Variants in DOCK8 observed in about 807,000 individuals in gnomAD.
The protein encoded by DOCK8 is dedicator of cytokinesis protein 8.
In DOCK8, 141 loss-of-function variants were observed where a neutral mutation model predicts 245.6. The ratio of observed to expected loss-of-function variants is 0.57; its 90% CI spans 0.50 to 0.66. The LOEUF (loss-of-function observed/expected upper bound fraction) is 0.66, where lower values mean the gene tolerates loss of function less well. DOCK8 is among the 30% of genes least tolerant of loss of function. The pLI, the probability that DOCK8 is intolerant of heterozygous loss-of-function variation, is 0.00. For synonymous variants in DOCK8, 1,168 were observed against 970.2 expected (o/e 1.20, Z -3.79); for missense variants, 2,965 against 2,603.4 (o/e 1.14, Z -3.02).
intron 8 of DOCK8, among the ~76,000 whole-genome samples, 192 bp from the exon 9 acceptor site, chr9:327,830 C>G (rs2050832630): frequency 6.6e-6 from 1 of 152,140 alleles, no homozygotes; most frequent in Non-Finnish European, 1.5e-5. Flanking sequence ...TCAAATGGCT[C>G]CAGAATACCT....
rs2056839287 is a variant in DOCK8 at position 434,814 on chromosome 9, C to A, written c.4918C>A (p.Leu1640Met). The A allele has an allele frequency of 1.2e-6, 2 of 1,614,060 alleles. No individual in the cohort carries two copies. Among genetic ancestry groups the A allele is most frequent in the Admixed American group, 3.3e-5 (2 of 60,010 alleles). ...IAKSYQASPD[L>M]RLTWLQNMAE... is the part of the protein sequence containing the mutation. ...CAAGAGTTACCAGGCATCTCCTGAT[C>A]TGCGGCTGACCTGGCTCCAGAACAT... Residue 1640 changes from leucine (L) to methionine (M), a missense_variant, in exon 39 of 48, where the codon CTG becomes ATG. By Grantham distance (15) the Leu-to-Met change is conservative. This residue lies in a region of DOCK8 where 2,825 missense variants were observed against 2,453.5 expected (regional missense o/e 1.15). Coordinates refer to ENST00000432829, the MANE Select transcript of DOCK8 (RefSeq NM_203447.4).
chr9:445,570 A>G (rs536934676), intron 43 of DOCK8, among the ~76,000 whole-genome samples: 24 of 152,354 alleles, frequency 1.6e-4, no homozygotes, highest in Admixed American at 3.9e-4. Flanking sequence ...GACTACCTTC[A>G]TAACCAAGAT....
chr9:464,882 TGATGTAGGA>T lies in DOCK8; in HGVS notation c.*667_*675del, dbSNP rs1175549971. Reference sequence around the variant, plus strand: ...TTATAGAAGAATACATTCAAAGCACTGATGTAGGAGATACACGGTACTTGGAGCAGTCAG... The same window carrying T: ...TTATAGAAGAATACATTCAAAGCACTGATACACGGTACTTGGAGCAGTCAG... On this transcript the variant is annotated 3_prime_UTR_variant, in exon 48 of 48. Transcript: ENST00000432829. 3 of 156,272 alleles carry T rather than the reference TGATGTAGGA, an allele frequency of 1.9e-5. No individual in the cohort carries two copies. The highest frequency in any genetic ancestry group is 6.1e-5 in the Admixed American group (1 of 16,272). 9.7% of individuals were successfully genotyped at this position (156,272 alleles called of 1,614,324 possible).
intron 43 of DOCK8, among the ~76,000 whole-genome samples, chr9:445,457 C>T (rs1441707371): frequency 6.6e-6 from 1 of 152,116 alleles, no homozygotes; most frequent in East Asian, 1.9e-4. Context: ...CTTATTCGCT[C>T]TGTGTTTGAG....
chr9:416,475 G>C (rs1350757291), intron 29 of DOCK8, among the ~76,000 whole-genome samples: 2 of 152,146 alleles, frequency 1.3e-5, no homozygotes, highest in African/African-American at 4.8e-5. Context: ...TGGTCTCCAA[G>C]CCTTTTAAAC....
chr9:416,109 A>G (rs532171133), intron 29 of DOCK8, among the ~76,000 whole-genome samples: 19 of 152,308 alleles, frequency 1.2e-4, no homozygotes, highest in African/African-American at 4.6e-4. Flanking sequence ...AGGTTGAGAC[A>G]GGGGTTAGGG....
intron 14 of DOCK8, among the ~76,000 whole-genome samples, chr9:345,482 A>T (rs941444786): frequency 3.3e-5 from 5 of 152,180 alleles, no homozygotes; most frequent in African/African-American, 1.2e-4. Flanking sequence ...TTCTAATAGC[A>T]GATGTTTTCT....
chr9:334,750 A>G (rs1375035515), intron 11 of DOCK8, among the ~76,000 whole-genome samples: 1 of 146,758 alleles, frequency 6.8e-6, no homozygotes, highest in Non-Finnish European at 1.5e-5. Context: ...TCCTAAACCT[A>G]AAAAAAAAAG....
chr9:218,929 T>G (rs2046823620), intron 1 of DOCK8, among the ~76,000 whole-genome samples: 1 of 152,186 alleles, frequency 6.6e-6, no homozygotes, highest in African/African-American at 2.4e-5. Flanking sequence ...ATCTCCGTTT[T>G]ACAGATGGAG....
At chr9:233,052 C>G (rs552197736) in intron 1 of DOCK8, among the ~76,000 whole-genome samples, 1,675 of 152,300 alleles carry the variant, frequency 0.011, 26 homozygotes, top group African/African-American at 0.039. Flanking sequence ...AAATTTCCCT[C>G]TACACACTGC....
At chr9:418,326 C>T in intron 30 of DOCK8, 119 bp downstream of exon 30, 1 of 1,372,844 alleles carries the variant, frequency 7.3e-7, no homozygotes, top group Non-Finnish European at 1.0e-6. Flanking sequence ...GGCTGGAGTG[C>T]AGTGGCGCAA....
At chr9:423,003 A>G (rs2056338923) in intron 33 of DOCK8, among the ~76,000 whole-genome samples, 1 of 149,654 alleles carries the variant, frequency 6.7e-6, no homozygotes, top group South Asian at 2.1e-4. Flanking sequence ...AAAAAAAAAA[A>G]GAACCTCAAA....
intron 1 of DOCK8, among the ~76,000 whole-genome samples, chr9:216,113 C>T (rs909402367): frequency 3.3e-5 from 5 of 152,172 alleles, no homozygotes; most frequent in African/African-American, 7.2e-5. Context: ...GATTTTATTT[C>T]CACTTGATAC....
At position 449,837 on chromosome 9, in the gene DOCK8, G is replaced by A. The variant is rs971214688; in HGVS notation, c.5871G>A (p.Leu1957=). The change falls in exon 45 of 48, where the codon CTG becomes CTA. Residue 1957 remains leucine, a synonymous_variant. Transcript: ENST00000432829. The part of the protein sequence containing the change: ...VAIEDMKKKT[L]QLAVAINQEP... ...TTGAAGACATGAAGAAGAAGACCCTGCAGTTAGCAGTTGCCATTAACCAGG... is the reference window on the plus strand; with the variant it reads ...TTGAAGACATGAAGAAGAAGACCCTACAGTTAGCAGTTGCCATTAACCAGG... 1.9e-6 allele frequency: 3 copies of A among 1,613,406 alleles called. No homozygotes were observed. Among genetic ancestry groups the A allele is most frequent in the African/African-American group, 2.7e-5 (2 of 74,890 alleles).
At chr9:359,092 TATGCTG>T (rs995404199) in intron 14 of DOCK8, among the ~76,000 whole-genome samples, 1 of 152,226 alleles carries the variant, frequency 6.6e-6, no homozygotes, top group Non-Finnish European at 1.5e-5. Flanking sequence ...CAGGCAATGC[TATGCTG>T]ATGCTGATGC....
intron 1 of DOCK8, among the ~76,000 whole-genome samples, chr9:228,769 G>A (rs1424827754): frequency 6.6e-6 from 1 of 152,168 alleles, no homozygotes; most frequent in African/African-American, 2.4e-5. Flanking sequence ...ACAATTCTGT[G>A]GGTTGGCAAT....
chr9:350,411 T>C (rs1021968246), intron 14 of DOCK8, among the ~76,000 whole-genome samples: 2 of 152,230 alleles, frequency 1.3e-5, no homozygotes, highest in Non-Finnish European at 2.9e-5. Context: ...GTTTTTTACC[T>C]TTGCATTTAT....
At chr9:355,858 G>A (rs2052418427) in intron 14 of DOCK8, among the ~76,000 whole-genome samples, 1 of 152,180 alleles carries the variant, frequency 6.6e-6, no homozygotes, top group Non-Finnish European at 1.5e-5. Context: ...AATGTACAGA[G>A]TACTGAGTGA....
chr9:274,668 A>G (rs199595429), intron 2 of DOCK8, among the ~76,000 whole-genome samples: 1 of 151,632 alleles, frequency 6.6e-6, no homozygotes, highest in Non-Finnish European at 1.5e-5. Flanking sequence ...ACCTTTAAAA[A>G]AAAATTTCTT....
Sources: allele counts gnomAD v4.1 joint callset (sites outside exome capture counted in the v4.1 genomes callset), GRCh38; gene constraint gnomAD v4.1.1; regional missense constraint gnomAD v4.1.1; transcripts MANE v1.5; gene names NCBI Gene and HGNC (gene_info 2026-07-23, HGNC 2026-07-21).